CHFR: variants seen among roughly 807,000 people sequenced by gnomAD.
The protein encoded by CHFR is E3 ubiquitin-protein ligase CHFR.
Under a neutral mutation model 87.6 loss-of-function variants are expected in CHFR, and 57 were observed. The observed-to-expected ratio is 0.65, with a 90% CI of 0.53 to 0.81. The LOEUF (loss-of-function observed/expected upper bound fraction) is 0.81. CHFR is among the 30% of genes least tolerant of loss of function. CHFR has a pLI of 0.00. For missense variants in CHFR, 797 were observed against 865.8 expected, an observed-to-expected ratio of 0.92 and a Z score of 1.00; for synonymous variants, 381 against 359.2, an observed-to-expected ratio of 1.06 and a Z score of -0.69.
At chr12:132,872,233 T>C (rs1414594267) in intron 4 of CHFR, 52 bp downstream of exon 4, 3 of 1,168,306 alleles carry the variant, frequency 2.6e-6, no homozygotes, top group African/African-American at 1.5e-5. Context: ...GAGAGCGCCC[T>C]CACGTGCACC....
At chr12:132,868,482 A>G (rs1951402716) in intron 6 of CHFR, among the ~76,000 whole-genome samples, 1 of 152,042 alleles carries the variant, frequency 6.6e-6, no homozygotes. Context: ...AGCCTGGGTG[A>G]CAGAGCGAGA....
intron 17 of CHFR, among the ~76,000 whole-genome samples, chr12:132,842,108 C>CAAAAAAAAAAAAAAAAAAA (rs35177584): frequency 9.7e-6 from 1 of 103,362 alleles, no homozygotes. Context: ...GACTCCATCT[C>CAAAAAAAAAAAAAAAAAAA]AAAAAAAAAA....
intron 17 of CHFR, among the ~76,000 whole-genome samples, chr12:132,841,809 C>T (rs1051577818): frequency 1.3e-5 from 2 of 152,122 alleles, no homozygotes; most frequent in Non-Finnish European, 2.9e-5. Flanking sequence ...AATTTTGAAA[C>T]AGAAGTGCAA....
Position 132,847,773 on chromosome 12 carries a change from C to T in CHFR, c.1647+312G>A, listed in dbSNP as rs907014235. The stretch of plus-strand genomic sequence containing the variant: ...TGGTCTTGCTAAAGGGCGGCACCTT[C>T]AAGAAGCCCTCACCGAGAGCTGTGG... On this transcript the variant is annotated intron_variant, in intron 14 of 17. Transcript: ENST00000450056. 4.0e-6 allele frequency: 5 copies of T among 1,257,478 alleles called. No individual in the cohort carries two copies. In the African/African-American group the frequency reaches 7.6e-5, roughly 19 times the overall value. 77.9% of individuals were successfully genotyped at this position (1,257,478 alleles called of 1,614,324 possible). A position where few individuals can be genotyped will look rare whatever the true frequency, so the allele number is the denominator to read the frequency against.
At chr12:132,847,931 G>A in intron 14 of CHFR, 154 bp downstream of exon 14, 1 of 1,486,342 alleles carries the variant, frequency 6.7e-7, no homozygotes. Context: ...CAGAGAACCA[G>A]CTGGCTGCAC....
rs1234457852 is a variant in CHFR at position 132,869,614 on chromosome 12, C to T, written c.583+5G>A. ...GCACCAAGACCTCATGAGATGTGAC[C>T]TCACCACAACTGGAGGAACGCTCTC... is the stretch of plus-strand genomic sequence containing the variant. On this transcript the variant is annotated splice_donor_5th_base_variant and intron_variant, in intron 6 of 17. Transcript: ENST00000450056. The T allele has an allele frequency of 6.4e-7, 1 of 1,551,254 alleles. No individual in the cohort carries two copies. Among genetic ancestry groups the T allele is most frequent in the Admixed American group, 2.0e-5 (1 of 50,972 alleles).
At chr12:132,861,088 C>T (rs1191621539) in intron 7 of CHFR, among the ~76,000 whole-genome samples, 5 of 152,054 alleles carry the variant, frequency 3.3e-5, no homozygotes, top group East Asian at 1.9e-4. Context: ...CTTGCTCTGT[C>T]GCCCAGGCTG....
intron 2 of CHFR, among the ~76,000 whole-genome samples, chr12:132,879,777 A>G (rs543054656): frequency 1.3e-5 from 2 of 152,328 alleles, no homozygotes; most frequent in South Asian, 4.1e-4. Context: ...CTCATCATTA[A>G]TCATTACTGC....
At chr12:132,866,992 C>T (rs1951360382) in intron 6 of CHFR, 1 of 152,452 alleles carries the variant, frequency 6.6e-6, no homozygotes, top group African/African-American at 2.4e-5. Context: ...CGAGATTGCG[C>T]CACTGCACTC....
intron 7 of CHFR, among the ~76,000 whole-genome samples, chr12:132,859,442 C>T (rs1298283714): frequency 1.3e-5 from 2 of 152,076 alleles, no homozygotes; most frequent in African/African-American, 4.8e-5. Flanking sequence ...GCTCCGCCTC[C>T]CGGGTTCATG....
In CHFR at chr12:132,885,280, G is replaced by A. The variant is rs1228915394; in HGVS notation, c.133+1916C>T. On this transcript the variant is annotated intron_variant, in intron 2 of 17. Coordinates refer to ENST00000450056, the MANE Select transcript of CHFR (RefSeq NM_001161346.2). ...AAATACCACTGCCAGGCGTGGTGGTGGGCGCCTGTAGTCCCAGCTACTCGG... is the reference window on the plus strand; with the variant it reads ...AAATACCACTGCCAGGCGTGGTGGTAGGCGCCTGTAGTCCCAGCTACTCGG... Among the ~76,000 whole-genome samples the A allele has an allele frequency of 3.9e-5, 5 of 129,146 alleles. No homozygotes were observed. The South Asian group carries it at 1.3e-3, about 33-fold the overall frequency. The allele number at this position is 129,146 out of a possible 152,430, so 84.7% of individuals were successfully genotyped here. A position where few individuals can be genotyped will look rare whatever the true frequency, so the allele number is the denominator to read the frequency against.
At chr12:132,862,640 G>C (rs1036399070) in intron 6 of CHFR, among the ~76,000 whole-genome samples, 11 of 152,060 alleles carry the variant, frequency 7.2e-5, no homozygotes, top group Admixed American at 2.0e-4. Context: ...GCCCAGGCTG[G>C]AGTGCAGTGG....
At chr12:132,842,868 G>T in intron 17 of CHFR, 143 bp downstream of exon 17, 1 of 702,730 alleles carries the variant, frequency 1.4e-6, no homozygotes, top group Non-Finnish European at 2.6e-6. Context: ...GATAAAGGAA[G>T]AGCAGGATTT....
chr12:132,887,521 G>C (rs1215853272), intron 1 of CHFR, 26 bp downstream of exon 1: 1 of 196,286 alleles, frequency 5.1e-6, no homozygotes, highest in Non-Finnish European at 9.2e-6. Flanking sequence ...GCCGCCCGCC[G>C]CAGCCCCCTC....
At chr12:132,868,831 G>C (rs1377661024) in intron 6 of CHFR, among the ~76,000 whole-genome samples, 7 of 110,272 alleles carry the variant, frequency 6.3e-5, no homozygotes, top group African/African-American at 1.0e-4. Context: ...AGGGGACATG[G>C]GGAGTGACTG....
At chr12:132,854,289 T>G (rs1361127938) in intron 10 of CHFR, 1 of 152,228 alleles carries the variant, frequency 6.6e-6, no homozygotes, top group Non-Finnish European at 1.5e-5. Flanking sequence ...ATGCAGACCT[T>G]GTAGAGTGCA....
chr12:132,882,570 C>T (rs935128162), intron 2 of CHFR, among the ~76,000 whole-genome samples: 15 of 152,146 alleles, frequency 9.9e-5, no homozygotes, highest in African/African-American at 3.6e-4. Context: ...AGGCAAGTAT[C>T]ACCTGTGGTC....
intron 4 of CHFR, among the ~76,000 whole-genome samples, chr12:132,871,020 T>C (rs1340594531): frequency 1.3e-5 from 2 of 152,240 alleles, no homozygotes; most frequent in Non-Finnish European, 2.9e-5. Flanking sequence ...GTGAAGAATC[T>C]ATGCCTCACT....
rs372270460 is a variant in CHFR at position 132,853,566 on chromosome 12, A to G, written c.1237T>C (p.Tyr413His). The G allele has an allele frequency of 2.6e-6, 4 of 1,529,506 alleles. No individual in the cohort carries two copies. The highest frequency in any genetic ancestry group is 2.6e-6 in the Non-Finnish European group (3 of 1,141,106). 94.7% of individuals were successfully genotyped at this position (1,529,506 alleles called of 1,614,324 possible). ...DSESSDISQP[Y>H]VVCRQCPEYR... ...TCAGGACACTGCCGGCACACGACGT[A>G]TGGCTGGCTGCAAGGAAGCACAGGG... The change falls in exon 11 of 18, where the codon TAC (tyrosine) becomes CAC (histidine). Residue 413 changes from tyrosine (Y) to histidine (H), a missense_variant. Coordinates refer to ENST00000450056, the MANE Select transcript of CHFR (RefSeq NM_001161346.2).
Sources: gnomAD v4.1 joint callset for allele counts (sites outside exome capture counted in the v4.1 genomes callset) on GRCh38, gnomAD v4.1.1 for gene constraint, MANE v1.5 for transcripts, NCBI Gene and HGNC (gene_info 2026-07-23, HGNC 2026-07-21) for gene names.